SMYD3: variants seen among roughly 807,000 people sequenced by gnomAD.
SMYD3 encodes SET and MYND domain containing 3.
In SMYD3, 36 loss-of-function variants were observed where a neutral mutation model predicts 57.7. That is an observed-to-expected ratio of 0.62 (90% CI 0.48 to 0.82). The LOEUF (loss-of-function observed/expected upper bound fraction) is 0.82. SMYD3 is among the 40% of genes least tolerant of loss of function. SMYD3 has a pLI of 0.00. For synonymous variants in SMYD3, 211 were observed against 195.0 expected (o/e 1.08, Z -0.68); for missense variants, 515 against 538.8 (o/e 0.96, Z 0.44).
intron 5 of SMYD3, among the ~76,000 whole-genome samples, chr1:246,256,203 G>T (rs1439428580): frequency 6.6e-6 from 1 of 152,094 alleles, no homozygotes; most frequent in Non-Finnish European, 1.5e-5. Flanking sequence ...GGGCTGGGAG[G>T]CTAGGCCTGT....
intron 5 of SMYD3, among the ~76,000 whole-genome samples, chr1:246,070,356 T>C (rs939360640): frequency 1.4e-4 from 22 of 152,358 alleles, no homozygotes; most frequent in African/African-American, 5.1e-4. Flanking sequence ...ATATACTCTC[T>C]TGGTGTTTTA....
chr1:245,814,709 T>A (rs1322316596), intron 10 of SMYD3, among the ~76,000 whole-genome samples: 1 of 152,158 alleles, frequency 6.6e-6, no homozygotes, highest in Non-Finnish European at 1.5e-5. Flanking sequence ...AGGAATAAAC[T>A]TTAAGATCTT....
At chr1:245,994,057 A>T (rs916289936) in intron 5 of SMYD3, among the ~76,000 whole-genome samples, 1 of 152,136 alleles carries the variant, frequency 6.6e-6, no homozygotes, top group Non-Finnish European at 1.5e-5. Context: ...ATCCAAAAGG[A>T]CTTGTCTTTT....
At chr1:246,285,015 C>T (rs1487559814) in intron 5 of SMYD3, among the ~76,000 whole-genome samples, 1 of 150,340 alleles carries the variant, frequency 6.7e-6, no homozygotes, top group Non-Finnish European at 1.5e-5. Flanking sequence ...TATTTGGTTA[C>T]ATGAGTAAGT....
At chr1:246,186,884 C>T in intron 5 of SMYD3, 8 of 985,470 alleles carry the variant, frequency 8.1e-6, no homozygotes, top group Non-Finnish European at 9.6e-6. Context: ...AGGAGAATGT[C>T]TCTGAAGCCC....
chr1:246,172,776 C>A (rs2148251971), intron 5 of SMYD3, among the ~76,000 whole-genome samples: 1 of 148,988 alleles, frequency 6.7e-6, no homozygotes, highest in South Asian at 2.2e-4. Context: ...CTGTACTCTA[C>A]TGTAGACTTT....
intron 5 of SMYD3, among the ~76,000 whole-genome samples, chr1:245,955,406 T>G (rs972746791): frequency 7.9e-5 from 12 of 152,216 alleles, no homozygotes; most frequent in Non-Finnish European, 1.6e-4. Flanking sequence ...CTTTTCTTTT[T>G]TTTTGGCATA....
chr1:246,389,963 G>A (rs564336284), intron 1 of SMYD3, among the ~76,000 whole-genome samples: 1 of 152,248 alleles, frequency 6.6e-6, no homozygotes, highest in South Asian at 2.1e-4. Context: ...GTCTGCAAAA[G>A]CCAGTATCTT....
intron 5 of SMYD3, among the ~76,000 whole-genome samples, chr1:246,089,828 A>G (rs1196881903): frequency 6.6e-6 from 1 of 151,256 alleles, no homozygotes; most frequent in Non-Finnish European, 1.5e-5. Flanking sequence ...CGCCCTCCAA[A>G]TTGCTCAGTT....
intron 10 of SMYD3, among the ~76,000 whole-genome samples, chr1:245,786,218 G>GT (rs1553321390): frequency 6.8e-6 from 1 of 147,574 alleles, no homozygotes; most frequent in Non-Finnish European, 1.5e-5. Flanking sequence ...GTGGACGGGG[G>GT]GGGGATGGTG....
At chr1:246,240,224 G>A (rs921532751) in intron 5 of SMYD3, among the ~76,000 whole-genome samples, 2 of 152,140 alleles carry the variant, frequency 1.3e-5, no homozygotes, top group African/African-American at 4.8e-5. Context: ...GTGGTTTTAG[G>A]TCTAACATTT....
intron 5 of SMYD3, among the ~76,000 whole-genome samples, chr1:245,956,472 C>T (rs2057843909): frequency 1.3e-5 from 2 of 152,166 alleles, no homozygotes; most frequent in South Asian, 4.1e-4. Context: ...GGACGTGTGA[C>T]GTGTTGGGTG....
chr1:246,173,786 A>G (rs2062385155), intron 5 of SMYD3, among the ~76,000 whole-genome samples: 1 of 152,040 alleles, frequency 6.6e-6, no homozygotes, highest in Non-Finnish European at 1.5e-5. Context: ...GAACTACCTG[A>G]GGCTGTTTAC....
chr1:245,993,578 AAAGATAGATAGATAGATAGAT>A lies in SMYD3; in HGVS notation c.532-63662_532-63642del, dbSNP rs1460140769. ...AGCAAGACGTTGTCTCAAAAAAAAA[AAAGATAGATAGATAGATAGAT>A]AGATAGATAGATAGATAGATAGATA... On this transcript the variant is annotated intron_variant, in intron 5 of 11. Transcript: ENST00000490107. Among the ~76,000 whole-genome samples the A allele has an allele frequency of 2.4e-3, 57 of 24,168 alleles. No individual in the cohort carries two copies. The South Asian group carries it at 0.031, about 13-fold the overall frequency. 15.9% of individuals were successfully genotyped at this position (24,168 alleles called of 152,430 possible). A position where few individuals can be genotyped will look rare whatever the true frequency, so the allele number is the denominator to read the frequency against.
chr1:246,128,085 C>A (rs2061534874), intron 5 of SMYD3, among the ~76,000 whole-genome samples: 1 of 152,004 alleles, frequency 6.6e-6, no homozygotes, highest in Admixed American at 6.6e-5. Flanking sequence ...TAAAGCAAAG[C>A]CCTGTTTGGT....
chr1:246,341,194 G>T (rs2065628939), intron 2 of SMYD3, among the ~76,000 whole-genome samples: 1 of 152,270 alleles, frequency 6.6e-6, no homozygotes, highest in African/African-American at 2.4e-5. Context: ...TCAGGGAGAA[G>T]TACTTTTATA....
intron 10 of SMYD3, among the ~76,000 whole-genome samples, chr1:245,782,524 G>A (rs940902767): frequency 6.6e-6 from 1 of 152,164 alleles, no homozygotes; most frequent in African/African-American, 2.4e-5. Context: ...TGACTTGATG[G>A]TCCTGAGAAG....
chr1:246,441,357 C>T (rs2067459984), intron 1 of SMYD3, among the ~76,000 whole-genome samples: 1 of 152,120 alleles, frequency 6.6e-6, no homozygotes, highest in African/African-American at 2.4e-5. Context: ...TACACTGACT[C>T]CAAGTTATCT....
chr1:246,419,128 C>T (rs910894915), intron 1 of SMYD3, among the ~76,000 whole-genome samples: 1 of 152,088 alleles, frequency 6.6e-6, no homozygotes, highest in South Asian at 2.1e-4. Flanking sequence ...GTAAGATCCA[C>T]CCCCCACTAG....
Sources: allele counts gnomAD v4.1 joint callset (sites outside exome capture counted in the v4.1 genomes callset), GRCh38; gene constraint gnomAD v4.1.1; transcripts MANE v1.5; gene names NCBI Gene and HGNC (gene_info 2026-07-23, HGNC 2026-07-21).